Variants in THADA observed in about 807,000 individuals in gnomAD.
THADA encodes the protein tRNA (32-2'-O)-methyltransferase regulator THADA.
Under a neutral mutation model 219.8 loss-of-function variants are expected in THADA, and 213 were observed. The ratio of observed to expected loss-of-function variants is 0.97; its 90% CI spans 0.87 to 1.09. The LOEUF (loss-of-function observed/expected upper bound fraction) is 1.09, where lower values mean the gene tolerates loss of function less well. THADA is among the 50% of genes least tolerant of loss of function. THADA has a pLI of 0.00. For synonymous variants in THADA, 1,018 were observed against 828.9 expected (o/e 1.23, Z -3.92); for missense variants, 2,956 against 2,311.3 (o/e 1.28, Z -5.72).
intron 28 of THADA, among the ~76,000 whole-genome samples, chr2:43,407,274 G>C (rs1346400637): frequency 6.6e-6 from 1 of 152,176 alleles, no homozygotes; most frequent in East Asian, 1.9e-4. Flanking sequence ...CAAAGGAATA[G>C]AGAGAATTTA....
At chr2:43,332,082 A>T (rs1665853187) in intron 30 of THADA, among the ~76,000 whole-genome samples, 1 of 152,126 alleles carries the variant, frequency 6.6e-6, no homozygotes, top group Admixed American at 6.5e-5. Context: ...GAGACAATTA[A>T]TCTTATTATT....
At chr2:43,327,853 C>T (rs1004260301) in intron 30 of THADA, among the ~76,000 whole-genome samples, 1 of 152,196 alleles carries the variant, frequency 6.6e-6, no homozygotes, top group Admixed American at 6.5e-5. Flanking sequence ...TGAGGATACG[C>T]TGAATGGCTG....
chr2:43,247,750 AAAAAG>A (rs1669308547), intron 36 of THADA, among the ~76,000 whole-genome samples: 3 of 150,502 alleles, frequency 2.0e-5, no homozygotes, highest in Non-Finnish European at 4.4e-5. Context: ...AAAAAAAAAA[AAAAAG>A]GGGGGTGCTG....
At chr2:43,463,373 A>G (rs1450858277) in intron 26 of THADA, 1 of 152,204 alleles carries the variant, frequency 6.6e-6, no homozygotes, top group Non-Finnish European at 1.5e-5. Flanking sequence ...GCTCTTGTAA[A>G]TAAAAGTGCT....
In THADA at chr2:43,292,219, G is replaced by A; in HGVS notation, c.4822C>T (p.Leu1608=). The part of the protein sequence containing the change: ...ENHPECFCKI[L]KILHCMDPGE... ...GGGTCCATGCAGTGGAGAATTTTCAGTATCTGTGTAAGCCAAATCCGCACA... is the reference window on the plus strand; with the variant it reads ...GGGTCCATGCAGTGGAGAATTTTCAATATCTGTGTAAGCCAAATCCGCACA... The change falls in exon 33 of 38, where the codon CTG becomes TTG. Residue 1608 remains leucine (L), a synonymous_variant. Coordinates refer to ENST00000405975, the MANE Select transcript of THADA (RefSeq NM_022065.5). 6.3e-7 allele frequency: 1 copy of A among 1,597,878 alleles called. No homozygotes were observed. The highest frequency in any genetic ancestry group is 8.5e-7 in the Non-Finnish European group (1 of 1,172,230).
chr2:43,476,219 G>A (rs1192562687), intron 26 of THADA, among the ~76,000 whole-genome samples: 1 of 152,006 alleles, frequency 6.6e-6, no homozygotes. Flanking sequence ...GTGGGAACAT[G>A]GGAACATAAA....
chr2:43,510,103 A>T (rs1690213557), intron 22 of THADA, among the ~76,000 whole-genome samples: 1 of 152,236 alleles, frequency 6.6e-6, no homozygotes. Context: ...TACGTACTAG[A>T]TAATAGATAA....
chr2:43,485,151 A>G (rs1330442337), intron 26 of THADA, 83 bp downstream of exon 26: 2 of 969,604 alleles, frequency 2.1e-6, no homozygotes, highest in Middle Eastern at 2.6e-4. Flanking sequence ...CTATAACAGT[A>G]GGCACAATTT....
At chr2:43,347,410 G>A (rs932169701) in intron 29 of THADA, among the ~76,000 whole-genome samples, 1 of 152,198 alleles carries the variant, frequency 6.6e-6, no homozygotes, top group Non-Finnish European at 1.5e-5. Context: ...TGCAGAAAGA[G>A]TGATATGCAT....
intron 23 of THADA, among the ~76,000 whole-genome samples, chr2:43,507,871 G>A (rs2105093529): frequency 6.6e-6 from 1 of 152,256 alleles, no homozygotes; most frequent in Non-Finnish European, 1.5e-5. Context: ...CCCATCAATA[G>A]CCATATCTAA....
chr2:43,394,368 C>T (rs1367495577), intron 29 of THADA, among the ~76,000 whole-genome samples: 1 of 152,138 alleles, frequency 6.6e-6, no homozygotes, highest in Admixed American at 6.5e-5. Flanking sequence ...TATAGAAATA[C>T]TCTGAGATTT....
intron 26 of THADA, 57 bp downstream of exon 26, chr2:43,485,177 G>T (rs1360356851): frequency 5.8e-6 from 8 of 1,376,962 alleles, no homozygotes; most frequent in Admixed American, 1.8e-5. Context: ...TTTGTTTTTG[G>T]CCAGGACAAT....
At chr2:43,400,472 T>TATATATATATATATATATATATATAA (rs1477151044) in intron 28 of THADA, among the ~76,000 whole-genome samples, 12 of 144,098 alleles carry the variant, frequency 8.3e-5, no homozygotes, top group African/African-American at 3.1e-4. Context: ...TATATATATA[T>TATATATATATATATATATATATATAA]ATATAAATAT....
At chr2:43,564,914 C>A (rs1250568718) in intron 15 of THADA, 1 of 152,094 alleles carries the variant, frequency 6.6e-6, no homozygotes. Flanking sequence ...TAAAAAGAGG[C>A]ATAATAACAA....
chr2:43,467,836 G>T (rs1220051180), intron 26 of THADA, among the ~76,000 whole-genome samples: 1 of 152,078 alleles, frequency 6.6e-6, no homozygotes, highest in Non-Finnish European at 1.5e-5. Flanking sequence ...GTCACTAATG[G>T]AATCTTATAT....
rs967221381 is a variant in THADA, at chr2:43,557,100, C to A, written c.2464-545G>T. Among the ~76,000 whole-genome samples the A allele has an allele frequency of 2.0e-5, 3 of 151,466 alleles. No individual in the cohort carries two copies. The East Asian group carries it at 5.8e-4, about 29-fold the overall frequency. On this transcript the variant is annotated intron_variant, in intron 16 of 37. Transcript: ENST00000405975. The stretch of plus-strand genomic sequence containing the variant: ...CCTGTCTCTATTAAAAGAAAAAAAA[C>A]AAAACAAAACAAAACAACACAGCCT...
At chr2:43,326,621 A>G (rs1209968570) in intron 30 of THADA, among the ~76,000 whole-genome samples, 1 of 152,232 alleles carries the variant, frequency 6.6e-6, no homozygotes, top group Non-Finnish European at 1.5e-5. Context: ...GTGAACTGCC[A>G]AGACTAGAAA....
At chr2:43,485,847 C>T (rs1035671746) in intron 25 of THADA, among the ~76,000 whole-genome samples, 1 of 149,710 alleles carries the variant, frequency 6.7e-6, no homozygotes, top group Admixed American at 6.7e-5. Flanking sequence ...CTGGGCAATA[C>T]AGTAAGACCC....
At chr2:43,238,924 T>C (rs964630349) in intron 36 of THADA, among the ~76,000 whole-genome samples, 1 of 151,878 alleles carries the variant, frequency 6.6e-6, no homozygotes, top group Non-Finnish European at 1.5e-5. Context: ...AAGACGTCAA[T>C]GTGGGGAATA....
Sources: allele counts gnomAD v4.1 joint callset (sites outside exome capture counted in the v4.1 genomes callset), GRCh38; gene constraint gnomAD v4.1.1; transcripts MANE v1.5; gene names NCBI Gene and HGNC (gene_info 2026-07-23, HGNC 2026-07-21).